The following GLIS1 variants were observed in gnomAD, a reference collection of about 807,000 sequenced individuals.
The protein encoded by GLIS1 is zinc finger protein GLIS1.
GLIS1 carries 24 observed loss-of-function variants against 63.8 expected under a neutral mutation model. The observed-to-expected ratio is 0.38, with a 90% CI of 0.27 to 0.53. GLIS1 has a LOEUF of 0.53. Among genes scored for constraint, GLIS1 ranks in the 20% least tolerant of loss-of-function variants. GLIS1 has a pLI of 0.85. For missense variants in GLIS1, 1,036 were observed against 1,074.1 expected (o/e 0.96, Z 0.50); for synonymous variants, 450 against 482.5 (o/e 0.93, Z 0.88).
chr1:53,532,870 C>T (rs780586174), intron 4 of GLIS1, among the ~76,000 whole-genome samples: 15 of 152,218 alleles, frequency 9.9e-5, no homozygotes, highest in Non-Finnish European at 2.1e-4. Context: ...TGTCTCTATT[C>T]GGACTGTCCC....
chr1:53,657,579 C>A (rs1444295479), intron 2 of GLIS1, among the ~76,000 whole-genome samples: 1 of 152,126 alleles, frequency 6.6e-6, no homozygotes, highest in Non-Finnish European at 1.5e-5. Flanking sequence ...ACGTGAGAAG[C>A]CTGATGCCCC....
chr1:53,551,071 T>G (rs1269496541), intron 4 of GLIS1, among the ~76,000 whole-genome samples: 1 of 152,070 alleles, frequency 6.6e-6, no homozygotes, highest in Non-Finnish European at 1.5e-5. Flanking sequence ...GGTTTTGAAC[T>G]CCTGACCTCA....
At chr1:53,632,733 T>TGTGTGACCGAGGGGCATGTGTACGA (rs1645672976) in intron 2 of GLIS1, among the ~76,000 whole-genome samples, 1 of 142,416 alleles carries the variant, frequency 7.0e-6, no homozygotes. Context: ...GGCATGTATA[T>TGTGTGACCGAGGGGCATGTGTACGA]GTGTGACCGA....
At chr1:53,736,000 C>A (rs147784077) in intron 2 of GLIS1, among the ~76,000 whole-genome samples, 137 of 152,308 alleles carry the variant, frequency 9.0e-4, no homozygotes, top group Middle Eastern at 6.8e-3. Flanking sequence ...TAACCACTGC[C>A]CTACACATAC....
chr1:53,697,870 G>A (rs1322111828), intron 2 of GLIS1, among the ~76,000 whole-genome samples: 2 of 152,182 alleles, frequency 1.3e-5, no homozygotes, highest in Non-Finnish European at 2.9e-5. Flanking sequence ...CCCATAAGAG[G>A]TGGAACTGGG....
chr1:53,639,975 A>C lies in GLIS1; in HGVS notation c.260-39697T>G, dbSNP rs1029860570. ...AGAAACAGGGATACTACACTTAACA[A>C]ACACGAGCATGGTGAGATTTAAATA... On this transcript the variant is annotated intron_variant, in intron 2 of 10. Coordinates refer to ENST00000628545, the MANE Select transcript of GLIS1 (RefSeq NM_001367484.1). The surrounding 1 kb of genome is among the most constrained non-coding windows in gnomAD (Gnocchi z 4.6). Among the ~76,000 whole-genome samples, 3 of 152,204 alleles carry C rather than the reference A, an allele frequency of 2.0e-5. No homozygotes were observed. Among genetic ancestry groups the C allele is most frequent in the Non-Finnish European group, 4.4e-5 (3 of 68,038 alleles).
chr1:53,544,720 T>G (rs1205503243), intron 4 of GLIS1, among the ~76,000 whole-genome samples: 1 of 152,122 alleles, frequency 6.6e-6, no homozygotes, highest in Non-Finnish European at 1.5e-5. Flanking sequence ...TATCTATGTG[T>G]TTTTATATAT....
At chr1:53,723,647 T>C (rs1022636289) in intron 2 of GLIS1, among the ~76,000 whole-genome samples, 2 of 152,140 alleles carry the variant, frequency 1.3e-5, no homozygotes, top group South Asian at 2.1e-4. Flanking sequence ...AAAATGTAAA[T>C]AGTAGTCATT....
chr1:53,533,692 C>G (rs917881356), intron 4 of GLIS1, among the ~76,000 whole-genome samples: 13 of 152,210 alleles, frequency 8.5e-5, no homozygotes, highest in Non-Finnish European at 7.3e-5. Context: ...CATGCCCCAT[C>G]AGGACCAGCA....
intron 2 of GLIS1, among the ~76,000 whole-genome samples, chr1:53,690,462 G>A (rs181387898): frequency 3.9e-5 from 6 of 152,340 alleles, no homozygotes; most frequent in South Asian, 2.1e-4. Context: ...TGAACTGGCC[G>A]CCAAATGGTC....
rs149039726 is a variant in GLIS1, at chr1:53,513,646, CCT to C, written c.1883+977_1883+978del. Among the ~76,000 whole-genome samples the C allele has an allele frequency of 3.2e-3, 480 of 152,340 alleles. 3 individuals are homozygous for C. The highest frequency in any genetic ancestry group is 0.011 in the African/African-American group (438 of 41,578). On this transcript the variant is annotated intron_variant, in intron 8 of 10. Coordinates refer to ENST00000628545, the MANE Select transcript of GLIS1 (RefSeq NM_001367484.1). Reference sequence around the variant, plus strand: ...CTTCCTTGCCGCACACCACTGGCCCCCTGTGTGGTAGGTCTCCCTCTCACAGT... The same window carrying C: ...CTTCCTTGCCGCACACCACTGGCCCCGTGTGGTAGGTCTCCCTCTCACAGT...
chr1:53,716,646 A>T (rs1013800183), intron 2 of GLIS1, among the ~76,000 whole-genome samples: 3 of 152,202 alleles, frequency 2.0e-5, no homozygotes, highest in Non-Finnish European at 4.4e-5. Context: ...CCTAAAAATA[A>T]CTAAAATAAA....
intron 4 of GLIS1, among the ~76,000 whole-genome samples, chr1:53,587,733 C>T (rs966359963): frequency 2.0e-5 from 3 of 152,228 alleles, no homozygotes; most frequent in Admixed American, 6.5e-5. Flanking sequence ...CTTCCCCACT[C>T]GACTGAGGGC....
At chr1:53,727,017 A>C (rs1646812139) in intron 2 of GLIS1, among the ~76,000 whole-genome samples, 2 of 152,162 alleles carry the variant, frequency 1.3e-5, no homozygotes, top group Non-Finnish European at 2.9e-5. Context: ...CACTCCTCTT[A>C]ATCCCCCTAG....
Position 53,728,894 on chromosome 1 carries a change from T to A in GLIS1, c.259+8912A>T, listed in dbSNP as rs74395574. Among the ~76,000 whole-genome samples, 1,160 of 152,336 alleles carry A rather than the reference T, an allele frequency of 7.6e-3. 22 individuals are homozygous for A. Among genetic ancestry groups the A allele is most frequent in the African/African-American group, 0.025 (1,057 of 41,578 alleles). ...AGATTTTTCCCATTGGCCAGCTGGC[T>A]GTCAATCTACATGCCAAGTATAATT... On this transcript the variant is annotated intron_variant, in intron 2 of 10. Transcript: ENST00000628545.
At chr1:53,647,621 T>C (rs1019743203) in intron 2 of GLIS1, among the ~76,000 whole-genome samples, 1 of 150,400 alleles carries the variant, frequency 6.6e-6, no homozygotes, top group African/African-American at 2.5e-5. Flanking sequence ...GCTTCAAAAA[T>C]AAGCTTGTAA....
chr1:53,709,331 C>CATATATATACATATATATACATATACAT (rs1646614493), intron 2 of GLIS1, among the ~76,000 whole-genome samples: 24 of 42,994 alleles, frequency 5.6e-4, no homozygotes, highest in East Asian at 8.4e-4. Context: ...TAAATATACA[C>CATATATATACATATATATACATATACAT]ATATATATAC....
intron 2 of GLIS1, among the ~76,000 whole-genome samples, chr1:53,629,583 C>T (rs1645630915): frequency 6.6e-6 from 1 of 152,182 alleles, no homozygotes. Flanking sequence ...ACCACCACAC[C>T]GGCCTCCTCC....
At chr1:53,734,049 A>T in intron 2 of GLIS1, 1 of 983,950 alleles carries the variant, frequency 1.0e-6, no homozygotes, top group East Asian at 1.1e-4. Context: ...CCATGCGCAC[A>T]ATCTACAATT....
Sources: allele counts gnomAD v4.1 joint callset (sites outside exome capture counted in the v4.1 genomes callset), GRCh38; gene constraint gnomAD v4.1.1; non-coding constraint Gnocchi (gnomAD v3.1); transcripts MANE v1.5; gene names NCBI Gene and HGNC (gene_info 2026-07-23, HGNC 2026-07-21).